PARVB: variants seen among roughly 807,000 people sequenced by gnomAD.
PARVB encodes the protein parvin beta.
A neutral mutation model predicts 47.0 loss-of-function variants in PARVB; 46 were observed. The ratio of observed to expected loss-of-function variants is 0.98; its 90% confidence interval spans 0.77 to 1.25. The LOEUF is 1.25. PARVB is among the 50% of genes most tolerant of loss of function. The pLI, the probability that PARVB is intolerant of heterozygous loss-of-function variation, is 0.00. For missense variants in PARVB, 473 were observed against 471.6 expected (o/e 1.00, Z -0.03); for synonymous variants, 196 against 196.3 (o/e 1.00, Z 0.01).
At chr22:44,021,295 G>A (rs1399030248), upstream of PARVB, among the ~76,000 whole-genome samples, 2 of 152,320 alleles carry the variant, frequency 1.3e-5, no homozygotes, top group Admixed American at 6.5e-5. Context: ...AGTCAGACAA[G>A]GCAGGTCAGA....
At position 44,136,604 on chromosome 22, in the gene PARVB, GC is replaced by G. The variant is rs1211506774; in HGVS notation, c.692+87del. The G allele has an allele frequency of 4.0e-5, 44 of 1,103,626 alleles. No homozygotes were observed. In the African/African-American group the frequency reaches 6.3e-4, roughly 16 times the overall value. The allele number at this position is 1,103,626 out of a possible 1,614,324, so 68.4% of individuals were successfully genotyped here. On this transcript the variant is annotated intron_variant, in intron 7 of 12. Transcript: ENST00000338758. ...GCTGCCACTTCAGCCAGGGACACCA[GC>G]GCCCATGGGGCTGCTCCCGCTCCAC...
Position 44,163,841 on chromosome 22 carries a change from C to T in PARVB, c.946-17C>T, listed in dbSNP as rs755682792. On this transcript the variant is annotated splice_polypyrimidine_tract_variant and intron_variant, in intron 11 of 12. Coordinates refer to ENST00000338758, the MANE Select transcript of PARVB (RefSeq NM_013327.5). ...ACTGTTGGACCCTAACGCTGACCCA[C>T]CCCCCTTCCTTGGCAGGTCCACAAT... 1.0e-5 allele frequency: 16 copies of T among 1,596,982 alleles called. No individual in the cohort carries two copies. In the African/African-American group the frequency reaches 1.5e-4, roughly 15 times the overall value.
At chr22:44,083,425 T>A (rs2051953100) in intron 1 of PARVB, among the ~76,000 whole-genome samples, 1 of 151,378 alleles carries the variant, frequency 6.6e-6, no homozygotes, top group Non-Finnish European at 1.5e-5. Context: ...GGTCGGGGGG[T>A]GCAGGGAGAT....
At chr22:44,132,870 C>G in intron 5 of PARVB, 24 bp from the exon 6 acceptor site, 3 of 1,542,820 alleles carry the variant, frequency 1.9e-6, no homozygotes, top group Non-Finnish European at 1.8e-6. Flanking sequence ...TCTAAAGCGT[C>G]TCCCTTCCTC....
chr22:44,126,674 T>TC (rs1218846761), intron 4 of PARVB, among the ~76,000 whole-genome samples: 1 of 152,120 alleles, frequency 6.6e-6, no homozygotes, highest in East Asian at 1.9e-4. Context: ...GTTGAAGCAG[T>TC]CCCCCCAATT....
chr22:44,106,904 A>G (rs188923089), intron 3 of PARVB: 3 of 152,314 alleles, frequency 2.0e-5, no homozygotes, highest in Admixed American at 6.5e-5. Flanking sequence ...CTCATGTATT[A>G]TACTGTTAAG....
chr22:44,087,846 G>GGT (rs71313380), intron 1 of PARVB, among the ~76,000 whole-genome samples: 1 of 121,290 alleles, frequency 8.2e-6, no homozygotes, highest in African/African-American at 3.3e-5. Flanking sequence ...GAACGATGGT[G>GGT]TTTTTTTTTT....
chr22:44,015,827 C>G (rs540964607), intron 2 of PARVB, among the ~76,000 whole-genome samples: 1 of 150,834 alleles, frequency 6.6e-6, no homozygotes, highest in East Asian at 1.9e-4. Context: ...CTCACAAAAA[C>G]AAACAAACAA....
intron 1 of PARVB, 26 bp downstream of exon 1, chr22:44,024,477 C>A: frequency 3.6e-6 from 4 of 1,115,018 alleles, no homozygotes; most frequent in Non-Finnish European, 3.3e-6. Flanking sequence ...CGCCCGCCGA[C>A]CCCCGGGGAC....
intron 8 of PARVB, chr22:44,147,125 C>T (rs5764557): frequency 0.33 from 52,923 of 161,904 alleles, 9,196 homozygotes; most frequent in East Asian, 0.64. Context: ...GCTGGGAGGC[C>T]GGTTGGTGGA....
chr22:44,061,744 G>A (rs1021325374), intron 1 of PARVB, among the ~76,000 whole-genome samples: 3 of 151,950 alleles, frequency 2.0e-5, no homozygotes, highest in Non-Finnish European at 4.4e-5. Context: ...AGCCTCCCGA[G>A]TAGCTGAGAC....
chr22:43,999,769 G>A, intron 2 of PARVB: 1 of 698,122 alleles, frequency 1.4e-6, no homozygotes. Context: ...TGAGGAGGGA[G>A]GATTGTTGCT....
At chr22:44,163,796 G>C in intron 11 of PARVB, 62 bp from the exon 12 acceptor site, 2 of 1,373,888 alleles carry the variant, frequency 1.5e-6, no homozygotes, top group Non-Finnish European at 2.0e-6. Flanking sequence ...TCCTCCAGCA[G>C]TGGGCCGTGT....
Position 44,131,753 on chromosome 22 carries a change from A to C in PARVB, c.517+126A>C, listed in dbSNP as rs1285963591. On this transcript the variant is annotated intron_variant, in intron 5 of 12. Coordinates refer to ENST00000338758, the MANE Select transcript of PARVB (RefSeq NM_013327.5). ...GGCCTTGCATCTTAAAATTGGGTTC[A>C]TCTCCCTGCTCTGTAAGAGGTAGAA... 3 of 998,560 alleles carry C rather than the reference A, an allele frequency of 3.0e-6. No individual in the cohort carries two copies. The African/African-American group carries it at 4.9e-5, about 16-fold the overall frequency. 61.9% of individuals were successfully genotyped at this position (998,560 alleles called of 1,614,324 possible).
At chr22:44,023,398 C>A (rs977514708), upstream of PARVB, among the ~76,000 whole-genome samples, 16 of 151,978 alleles carry the variant, frequency 1.1e-4, no homozygotes, top group Non-Finnish European at 2.4e-4. Flanking sequence ...GTAATCCCAG[C>A]TACTCAGGAG....
chr22:44,054,990 CAAAAAA>C (rs3083343), intron 1 of PARVB, among the ~76,000 whole-genome samples: 15 of 70,120 alleles, frequency 2.1e-4, no homozygotes, highest in African/African-American at 8.4e-4. Flanking sequence ...AACTCCATCT[CAAAAAA>C]AAAAAAAAAA....
intron 1 of PARVB, among the ~76,000 whole-genome samples, chr22:44,075,092 T>A (rs1288020599): frequency 6.6e-6 from 1 of 152,026 alleles, no homozygotes; most frequent in Non-Finnish European, 1.5e-5. Flanking sequence ...CTACGTACCC[T>A]CCCAGTGTGG....
At chr22:44,019,546 G>A (rs148700772), upstream of PARVB, among the ~76,000 whole-genome samples, 581 of 152,346 alleles carry the variant, frequency 3.8e-3, 1 homozygote, top group African/African-American at 0.013. Context: ...AAAGAAAAGA[G>A]GTTTTGTCGC....
intron 1 of PARVB, among the ~76,000 whole-genome samples, chr22:44,044,039 T>C (rs962782013): frequency 2.0e-5 from 3 of 152,138 alleles, no homozygotes; most frequent in African/African-American, 7.2e-5. Flanking sequence ...TGATAATATG[T>C]CCTCATTGAG....
Sources: gnomAD v4.1 joint callset for allele counts (sites outside exome capture counted in the v4.1 genomes callset) on GRCh38, gnomAD v4.1.1 for gene constraint, MANE v1.5 for transcripts, NCBI Gene and HGNC (gene_info 2026-07-23, HGNC 2026-07-21) for gene names.